Variants in PPP2R2B observed in about 807,000 individuals in gnomAD.
PPP2R2B encodes serine/threonine-protein phosphatase 2A 55 kDa regulatory subunit B beta isoform.
A neutral mutation model predicts 46.0 loss-of-function variants in PPP2R2B; 5 were observed. That is an observed-to-expected ratio of 0.11 (90% confidence interval 0.06 to 0.23). The LOEUF (loss-of-function observed/expected upper bound fraction) is 0.23. PPP2R2B is among the 10% of genes least tolerant of loss of function. The probability of loss-of-function intolerance (pLI) is 1.00; values close to 1 mark genes in which losing one functional copy is unlikely to be tolerated. For missense variants in PPP2R2B, 367 were observed against 575.0 expected (o/e 0.64, Z 3.70); for synonymous variants, 215 against 206.7 (o/e 1.04, Z -0.34).
chr5:146,959,843 A>C (rs568185426), intron 1 of PPP2R2B, among the ~76,000 whole-genome samples: 1 of 152,180 alleles, frequency 6.6e-6, no homozygotes, highest in African/African-American at 2.4e-5. Flanking sequence ...ACCAGCTGAC[A>C]TACTAAGGAA....
intron 2 of PPP2R2B, among the ~76,000 whole-genome samples, chr5:146,742,661 G>A (rs912201487): frequency 6.6e-6 from 1 of 152,106 alleles, no homozygotes; most frequent in Non-Finnish European, 1.5e-5. Context: ...ATTATTATGG[G>A]TTGAATTGTG....
chr5:147,012,467 CT>C (rs1351042529), intron 1 of PPP2R2B, among the ~76,000 whole-genome samples: 3 of 152,180 alleles, frequency 2.0e-5, no homozygotes, highest in African/African-American at 4.8e-5. Flanking sequence ...ATTCTTCTCT[CT>C]TTTTTTCTTT....
intron 2 of PPP2R2B, among the ~76,000 whole-genome samples, chr5:147,073,969 G>C (rs1757681446): frequency 6.6e-6 from 1 of 151,720 alleles, no homozygotes; most frequent in Non-Finnish European, 1.5e-5. Context: ...CTGGGAGATG[G>C]AGGTTGCAGT....
At chr5:146,967,742 C>G (rs1301590628) in intron 1 of PPP2R2B, among the ~76,000 whole-genome samples, 4 of 152,152 alleles carry the variant, frequency 2.6e-5, no homozygotes, top group Non-Finnish European at 5.9e-5. Flanking sequence ...GCCAGGCATC[C>G]TGCAGCTAGC....
chr5:146,970,927 T>C (rs1158835893), intron 1 of PPP2R2B, among the ~76,000 whole-genome samples: 1 of 152,164 alleles, frequency 6.6e-6, no homozygotes, highest in Non-Finnish European at 1.5e-5. Context: ...TATCTAGAAA[T>C]AATTGTGGTA....
intron 1 of PPP2R2B, among the ~76,000 whole-genome samples, chr5:147,000,845 A>G (rs1754138056): frequency 6.6e-6 from 1 of 152,056 alleles, no homozygotes; most frequent in African/African-American, 2.4e-5. Context: ...CCTCCTGACT[A>G]GGTTCACACT....
At chr5:147,028,633 C>G (rs1452438517) in intron 1 of PPP2R2B, among the ~76,000 whole-genome samples, 1 of 152,038 alleles carries the variant, frequency 6.6e-6, no homozygotes, top group Non-Finnish European at 1.5e-5. Context: ...ATGAACAGTA[C>G]TGCTATGAAC....
intron 1 of PPP2R2B, among the ~76,000 whole-genome samples, chr5:146,891,377 G>GTAT (rs1762486535): frequency 6.6e-6 from 1 of 152,222 alleles, no homozygotes; most frequent in Admixed American, 6.5e-5. Context: ...TTTGCTCTTG[G>GTAT]TATTAGGTGT....
chr5:146,676,323 T>C (rs1453533624), intron 5 of PPP2R2B, among the ~76,000 whole-genome samples: 1 of 152,008 alleles, frequency 6.6e-6, no homozygotes, highest in Non-Finnish European at 1.5e-5. Flanking sequence ...GCGAGTTCCT[T>C]AACAAGACCT....
chr5:146,763,495 C>T (rs1405502405), intron 2 of PPP2R2B, among the ~76,000 whole-genome samples: 2 of 152,172 alleles, frequency 1.3e-5, no homozygotes, highest in Non-Finnish European at 2.9e-5. Context: ...ACATACCCAA[C>T]ACACGAACTG....
chr5:147,079,426 C>CTGGG, intron 2 of PPP2R2B, among the ~76,000 whole-genome samples: 1 of 118,350 alleles, frequency 8.4e-6, no homozygotes, highest in Non-Finnish European at 1.7e-5. Context: ...CACAAACACA[C>CTGGG]ACACATTTTA....
chr5:146,775,290 A>G (rs1755116006), intron 2 of PPP2R2B, among the ~76,000 whole-genome samples: 1 of 152,186 alleles, frequency 6.6e-6, no homozygotes, highest in Admixed American at 6.5e-5. Flanking sequence ...AGGATTATAC[A>G]CCCTGAGCAA....
Position 146,639,328 on chromosome 5 carries a change from GT to G in PPP2R2B, c.626-914del, listed in dbSNP as rs369496152. On this transcript the variant is annotated intron_variant, in intron 6 of 9. Transcript: ENST00000394411. ...AAATATCCTTAGTTTTATCATCTGGGTTTTTTTTTCTCAGTATTTCCCTTTC... is the reference window on the plus strand; with the variant it reads ...AAATATCCTTAGTTTTATCATCTGGGTTTTTTTTCTCAGTATTTCCCTTTC... Among the ~76,000 whole-genome samples, 962 of 151,472 alleles carry G rather than the reference GT, an allele frequency of 6.4e-3. 11 individuals are homozygous for G. Among genetic ancestry groups the G allele is most frequent in the African/African-American group, 0.022 (903 of 41,300 alleles).
At chr5:146,936,167 G>A (rs1371457686) in intron 1 of PPP2R2B, among the ~76,000 whole-genome samples, 1 of 152,094 alleles carries the variant, frequency 6.6e-6, no homozygotes, top group Non-Finnish European at 1.5e-5. Flanking sequence ...ACATTTTGGG[G>A]TAGGGTAACT....
Position 147,015,540 on chromosome 5 carries a change from A to T in PPP2R2B, c.79+40125T>A, listed in dbSNP as rs555327099. 6.6e-5 allele frequency among the ~76,000 whole-genome samples: 10 copies of T among 151,622 alleles called. No homozygotes were observed. In the Admixed American group the frequency reaches 6.6e-4, roughly 10 times the overall value. ...CATCTCCTTCATGGAGCCTTCTCTGATTCCTCCAGCAGGAAACCATCTGTC... is the reference window on the plus strand; with the variant it reads ...CATCTCCTTCATGGAGCCTTCTCTGTTTCCTCCAGCAGGAAACCATCTGTC... On this transcript the variant is annotated intron_variant, in intron 1 of 8. Coordinates refer to the PPP2R2B transcript ENST00000336640.
chr5:146,803,634 C>T (rs749132501), intron 2 of PPP2R2B, among the ~76,000 whole-genome samples: 1 of 152,078 alleles, frequency 6.6e-6, no homozygotes, highest in Non-Finnish European at 1.5e-5. Flanking sequence ...TTTTTCAAAG[C>T]CCTATGACAT....
intron 2 of PPP2R2B, among the ~76,000 whole-genome samples, chr5:146,816,240 C>CA (rs898157748): frequency 2.6e-5 from 4 of 152,012 alleles, no homozygotes; most frequent in Admixed American, 1.3e-4. Context: ...TCCATCTCTA[C>CA]AAAAAAATTA....
intron 2 of PPP2R2B, among the ~76,000 whole-genome samples, chr5:146,800,917 TACACAC>T (rs148564633): frequency 7.5e-4 from 109 of 145,420 alleles, no homozygotes; most frequent in African/African-American, 2.2e-3. Flanking sequence ...TATGTGTACA[TACACAC>T]ACACACACAC....
intron 2 of PPP2R2B, among the ~76,000 whole-genome samples, chr5:146,795,316 A>G (rs1226279040): frequency 6.6e-6 from 1 of 152,148 alleles, no homozygotes; most frequent in African/African-American, 2.4e-5. Context: ...ATTAATTAAT[A>G]AAGAAAATGT....
Sources: gnomAD v4.1 joint callset for allele counts (sites outside exome capture counted in the v4.1 genomes callset) on GRCh38, gnomAD v4.1.1 for gene constraint, MANE v1.5 for transcripts, NCBI Gene and HGNC (gene_info 2026-07-23, HGNC 2026-07-21) for gene names.